NUP98: variants seen among roughly 807,000 people sequenced by gnomAD.
The protein encoded by NUP98 is nuclear pore complex protein Nup98-Nup96.
Under a neutral mutation model 191.9 loss-of-function variants are expected in NUP98, and 26 were observed. That is an observed-to-expected ratio of 0.14 (90% CI 0.10 to 0.19). NUP98 has a LOEUF of 0.19. Ranked by LOEUF, NUP98 falls within the 10% of genes least tolerant of loss-of-function variation. NUP98 has a pLI of 1.00. For synonymous variants in NUP98, 808 were observed against 778.4 expected (o/e 1.04, Z -0.63); for missense variants, 1,941 against 2,178.8 (o/e 0.89, Z 2.17).
intron 18 of NUP98, among the ~76,000 whole-genome samples, chr11:3,718,983 G>C (rs1396553913): frequency 2.0e-5 from 3 of 151,942 alleles, no homozygotes; most frequent in Non-Finnish European, 4.4e-5. Context: ...AGCCAGGCAT[G>C]GTGGCGGGCG....
chr11:3,747,077 G>T (rs2080533100), intron 11 of NUP98, among the ~76,000 whole-genome samples: 1 of 152,198 alleles, frequency 6.6e-6, no homozygotes, highest in South Asian at 2.1e-4. Context: ...AGAAGTAATG[G>T]TCCACAATTT....
Position 3,762,957 on chromosome 11 carries a change from C to G in NUP98, c.1031G>C (p.Gly344Ala). Reference sequence around the variant, plus strand: ...CTGCCCAAAGAGACCTGTTCCTGTTCCAAATGCTGTCCCAGTGCTGGTGTT... The same window carrying G: ...CTGCCCAAAGAGACCTGTTCCTGTTGCAAATGCTGTCCCAGTGCTGGTGTT... ...ATNTSTGTAF[G>A]TGTGLFGQTN... is the part of the protein sequence containing the mutation. Residue 344 changes from glycine to alanine, a missense_variant, in exon 9 of 33, where the codon GGA becomes GCA. Physicochemically the swap from Gly to Ala is moderately conservative, Grantham distance 60 (BLOSUM62 0). Transcript: ENST00000324932. 1 of 1,614,172 alleles carries G rather than the reference C, an allele frequency of 6.2e-7. No individual in the cohort carries two copies. Among genetic ancestry groups the G allele is most frequent in the Non-Finnish European group, 8.5e-7 (1 of 1,180,042 alleles).
chr11:3,744,383 CA>C (rs2080408855), intron 12 of NUP98, 125 bp downstream of exon 12: 1 of 929,920 alleles, frequency 1.1e-6, no homozygotes, highest in Non-Finnish European at 1.6e-6. Flanking sequence ...CTTTACTACC[CA>C]ATTGTTTAAT....
intron 26 of NUP98, among the ~76,000 whole-genome samples, chr11:3,694,781 G>GCT (rs2078448986): frequency 6.6e-6 from 1 of 151,984 alleles, no homozygotes; most frequent in Admixed American, 6.6e-5. Flanking sequence ...TGATGCAGTG[G>GCT]CTCATGCCTG....
chr11:3,750,253 T>C (rs61877598), intron 11 of NUP98, among the ~76,000 whole-genome samples: 10,579 of 152,064 alleles, frequency 0.07, 386 homozygotes, highest in Middle Eastern at 0.1. Context: ...CCGAGTAGCT[T>C]GGACTACAGG....
chr11:3,685,218 C>G (rs1393844070), intron 29 of NUP98, among the ~76,000 whole-genome samples: 1 of 149,462 alleles, frequency 6.7e-6, no homozygotes, highest in Non-Finnish European at 1.5e-5. Context: ...AAATCTCCGG[C>G]CTTATCTTGT....
intron 15 of NUP98, 104 bp from the exon 16 acceptor site, chr11:3,723,559 A>T: frequency 1.1e-6 from 1 of 882,286 alleles, no homozygotes. Context: ...ACTGTTCTGG[A>T]TAGTTCCATG....
chr11:3,730,521 T>G (rs568278799), intron 14 of NUP98, among the ~76,000 whole-genome samples: 3 of 151,970 alleles, frequency 2.0e-5, no homozygotes, highest in Non-Finnish European at 4.4e-5. Flanking sequence ...CACGCAGCCA[T>G]GCCCAGCTAA....
intron 2 of NUP98, among the ~76,000 whole-genome samples, chr11:3,779,848 C>A (rs2081892731): frequency 6.6e-6 from 1 of 151,814 alleles, no homozygotes; most frequent in Non-Finnish European, 1.5e-5. Context: ...AAAGTGCTGG[C>A]CGGGCACGGT....
At chr11:3,735,126 A>G in intron 13 of NUP98, 65 bp downstream of exon 13, 1 of 1,430,952 alleles carries the variant, frequency 7.0e-7, no homozygotes. Context: ...GCAAAAAATT[A>G]CATTCTGCAC....
At chr11:3,787,924 G>A (rs1308752405) in intron 1 of NUP98, among the ~76,000 whole-genome samples, 8 of 152,204 alleles carry the variant, frequency 5.3e-5, no homozygotes, top group African/African-American at 1.9e-4. Flanking sequence ...TCCAGGAGGC[G>A]GAGGTTGCAG....
At chr11:3,742,598 C>T (rs1045695292) in intron 12 of NUP98, among the ~76,000 whole-genome samples, 3 of 149,758 alleles carry the variant, frequency 2.0e-5, no homozygotes, top group African/African-American at 7.4e-5. Context: ...ACTCAGGAAG[C>T]TGAGGCAGCA....
chr11:3,699,397 A>T, intron 24 of NUP98, 49 bp from the exon 25 acceptor site: 1 of 1,596,352 alleles, frequency 6.3e-7, no homozygotes, highest in East Asian at 2.2e-5. Flanking sequence ...TCTTACAACA[A>T]CTTCACAGAG....
chr11:3,723,829 C>CT (rs34043967), intron 15 of NUP98, among the ~76,000 whole-genome samples: 20,709 of 142,226 alleles, frequency 0.15, 1,542 homozygotes, highest in Non-Finnish European at 0.18. Context: ...CAAAGGGTTT[C>CT]TTTTTTTTTT....
At chr11:3,733,457 A>AGGTG (rs2079921636) in intron 13 of NUP98, among the ~76,000 whole-genome samples, 1 of 152,106 alleles carries the variant, frequency 6.6e-6, no homozygotes, top group Non-Finnish European at 1.5e-5. Flanking sequence ...GATTATGGGC[A>AGGTG]CGCACCACCA....
At chr11:3,718,484 T>C (rs1366049427) in intron 18 of NUP98, among the ~76,000 whole-genome samples, 2 of 151,702 alleles carry the variant, frequency 1.3e-5, no homozygotes, top group Non-Finnish European at 2.9e-5. Flanking sequence ...TGCAGTAAGC[T>C]GAGACTATAC....
In NUP98 at chr11:3,778,116, A is replaced by G. The variant is rs368408789; in HGVS notation, c.355+757T>C. Among the ~76,000 whole-genome samples the G allele has an allele frequency of 1.7e-4, 25 of 149,268 alleles. No homozygotes were observed. The East Asian group carries it at 2.6e-3, about 16-fold the overall frequency. ...CGGGAGGCTGAGGCAGGAGAATGGCATGAACCCAGGAGGCACAGCTCGCAA... is the reference window on the plus strand; with the variant it reads ...CGGGAGGCTGAGGCAGGAGAATGGCGTGAACCCAGGAGGCACAGCTCGCAA... On this transcript the variant is annotated intron_variant, in intron 4 of 32. Coordinates refer to ENST00000324932, the MANE Select transcript of NUP98 (RefSeq NM_016320.5).
chr11:3,772,991 A>G (rs902980430), intron 6 of NUP98, among the ~76,000 whole-genome samples: 3 of 151,572 alleles, frequency 2.0e-5, no homozygotes, highest in Admixed American at 2.0e-4. Context: ...ACAAACAAAC[A>G]AAAAAAACAA....
chr11:3,739,646 A>C (rs1308085189), intron 12 of NUP98, among the ~76,000 whole-genome samples: 11 of 152,106 alleles, frequency 7.2e-5, no homozygotes, highest in East Asian at 1.9e-4. Flanking sequence ...TCTTTGGCTA[A>C]AAAATATTAA....
Sources: gnomAD v4.1 joint callset for allele counts (sites outside exome capture counted in the v4.1 genomes callset) on GRCh38, gnomAD v4.1.1 for gene constraint, MANE v1.5 for transcripts, NCBI Gene and HGNC (gene_info 2026-07-23, HGNC 2026-07-21) for gene names.